The following RNF180 variants were observed in gnomAD, a reference collection of about 807,000 sequenced individuals.
RNF180 encodes the protein E3 ubiquitin-protein ligase RNF180.
A neutral mutation model predicts 59.2 loss-of-function variants in RNF180; 38 were observed. The observed-to-expected ratio is 0.64, with a 90% CI of 0.50 to 0.84. The LOEUF is 0.84. Among genes scored for constraint, RNF180 ranks in the 40% least tolerant of loss-of-function variants. The probability of loss-of-function intolerance (pLI) is 0.00; values close to 1 mark genes in which losing one functional copy is unlikely to be tolerated. For synonymous variants in RNF180, 262 were observed against 240.3 expected, an observed-to-expected ratio of 1.09 and a Z score of -0.84; for missense variants, 705 against 700.9, an observed-to-expected ratio of 1.01 and a Z score of -0.07.
intron 1 of RNF180, among the ~76,000 whole-genome samples, chr5:64,176,198 A>G (rs1750222154): frequency 1.3e-5 from 2 of 152,044 alleles, no homozygotes; most frequent in Admixed American, 6.5e-5. Context: ...TCATAGTTCA[A>G]TCTTGGTAGG....
chr5:64,177,534 T>C (rs1251091596), intron 1 of RNF180, among the ~76,000 whole-genome samples: 1 of 30,612 alleles, frequency 3.3e-5, no homozygotes, highest in Non-Finnish European at 6.3e-5. Flanking sequence ...GCCATATATA[T>C]ATATATATAT....
intron 4 of RNF180, among the ~76,000 whole-genome samples, chr5:64,216,435 T>C (rs1378026332): frequency 6.6e-6 from 1 of 152,184 alleles, no homozygotes; most frequent in African/African-American, 2.4e-5. Context: ...ATGACTTCAG[T>C]ACAGATCAAT....
At chr5:64,325,466 C>A in intron 6 of RNF180, 55 bp downstream of exon 6, 2 of 1,188,146 alleles carry the variant, frequency 1.7e-6, no homozygotes, top group South Asian at 1.3e-5. Flanking sequence ...TCTTATAGTT[C>A]TAAAGGTACT....
intron 5 of RNF180, among the ~76,000 whole-genome samples, chr5:64,314,192 C>G (rs2112488870): frequency 6.6e-6 from 1 of 152,178 alleles, no homozygotes; most frequent in East Asian, 1.9e-4. Flanking sequence ...TGTCTTAGCA[C>G]TCAAAAAGTT....
intron 5 of RNF180, among the ~76,000 whole-genome samples, chr5:64,240,549 T>A (rs138097401): frequency 1.3e-5 from 2 of 152,212 alleles, no homozygotes; most frequent in African/African-American, 4.8e-5. Flanking sequence ...ACAGTGGAAA[T>A]TGGGTGACAG....
chr5:64,360,705 C>T (rs901047471), intron 7 of RNF180, among the ~76,000 whole-genome samples: 16 of 151,708 alleles, frequency 1.1e-4, no homozygotes, highest in Admixed American at 6.6e-5. Context: ...TTACCCTATT[C>T]GTAAGCTAAC....
chr5:64,221,505 T>G (rs1015642092), intron 5 of RNF180, among the ~76,000 whole-genome samples: 1 of 152,132 alleles, frequency 6.6e-6, no homozygotes, highest in African/African-American at 2.4e-5. Context: ...TAAAAATACC[T>G]AGGGCATACT....
intron 5 of RNF180, among the ~76,000 whole-genome samples, chr5:64,251,879 C>G (rs1743602504): frequency 6.6e-6 from 1 of 151,882 alleles, no homozygotes; most frequent in African/African-American, 2.4e-5. Flanking sequence ...ATAAGTTGAA[C>G]CAAGGAGGTG....
chr5:64,222,438 G>GCCCCT (rs1741401935), intron 5 of RNF180, among the ~76,000 whole-genome samples: 5 of 152,092 alleles, frequency 3.3e-5, no homozygotes, highest in Admixed American at 2.6e-4. Flanking sequence ...AAAGGGAGGG[G>GCCCCT]GTACATGGGG....
intron 5 of RNF180, among the ~76,000 whole-genome samples, chr5:64,260,328 CT>C (rs1365065748): frequency 1.3e-5 from 2 of 152,068 alleles, no homozygotes; most frequent in Admixed American, 6.6e-5. Flanking sequence ...AATTATCCTT[CT>C]ATTAATGAAT....
chr5:64,267,600 G>T (rs1336093315), intron 5 of RNF180, among the ~76,000 whole-genome samples: 1 of 151,858 alleles, frequency 6.6e-6, no homozygotes, highest in South Asian at 2.1e-4. Context: ...AGAATATGCG[G>T]TGTTTGGTTT....
intron 5 of RNF180, among the ~76,000 whole-genome samples, chr5:64,310,005 G>A (rs1196889067): frequency 4.6e-5 from 7 of 151,670 alleles, no homozygotes; most frequent in Admixed American, 4.6e-4. Flanking sequence ...TGCCAGATTT[G>A]TTGTAGTGCC....
chr5:64,299,108 C>T (rs762512056), intron 5 of RNF180, among the ~76,000 whole-genome samples: 55 of 152,036 alleles, frequency 3.6e-4, no homozygotes, highest in African/African-American at 1.2e-3. Flanking sequence ...TTGTCCTTTG[C>T]GCCATGCGAG....
At chr5:64,198,457 C>T (rs1047627001) in intron 1 of RNF180, among the ~76,000 whole-genome samples, 14 of 152,184 alleles carry the variant, frequency 9.2e-5, no homozygotes, top group African/African-American at 2.7e-4. Context: ...GATACGAAAG[C>T]ATTGTCACAC....
At chr5:64,244,315 A>C (rs1387937728) in intron 5 of RNF180, among the ~76,000 whole-genome samples, 4 of 152,180 alleles carry the variant, frequency 2.6e-5, no homozygotes, top group Non-Finnish European at 5.9e-5. Flanking sequence ...AGCATATTCT[A>C]ACCCAACGCA....
chr5:64,369,058 C>G (rs527460843), intron 7 of RNF180, among the ~76,000 whole-genome samples: 1 of 152,070 alleles, frequency 6.6e-6, no homozygotes, highest in East Asian at 1.9e-4. Flanking sequence ...TTGGAACCAA[C>G]CCAAATGTCC....
chr5:64,227,807 AAAAT>A (rs962457769), intron 5 of RNF180, among the ~76,000 whole-genome samples: 116 of 152,348 alleles, frequency 7.6e-4, no homozygotes, highest in African/African-American at 1.9e-3. Context: ...TCTCACTTTT[AAAAT>A]AAATAAATAA....
At chr5:64,282,914 G>C (rs982063724) in intron 5 of RNF180, among the ~76,000 whole-genome samples, 1 of 152,106 alleles carries the variant, frequency 6.6e-6, no homozygotes, top group Non-Finnish European at 1.5e-5. Flanking sequence ...ATTGTTTTGT[G>C]GTTGATCATG....
chr5:64,364,212 G>A (rs913870524), intron 7 of RNF180, among the ~76,000 whole-genome samples: 1 of 151,882 alleles, frequency 6.6e-6, no homozygotes, highest in Non-Finnish European at 1.5e-5. Context: ...GATGTTGGCT[G>A]TGGTGTTGTC....
Sources: allele counts gnomAD v4.1 joint callset (sites outside exome capture counted in the v4.1 genomes callset), GRCh38; gene constraint gnomAD v4.1.1; transcripts MANE v1.5; gene names NCBI Gene and HGNC (gene_info 2026-07-23, HGNC 2026-07-21).